The following NRXN3 variants were observed in gnomAD, a reference collection of about 807,000 sequenced individuals.
NRXN3 encodes neurexin 3, also known as neurexin III.
A neutral mutation model predicts 137.6 loss-of-function variants in NRXN3; 32 were observed. The ratio of observed to expected loss-of-function variants is 0.23; its 90% CI spans 0.18 to 0.31. NRXN3 has a LOEUF of 0.31. Ranked by LOEUF, NRXN3 falls within the 10% of genes least tolerant of loss-of-function variation. NRXN3 has a pLI of 1.00. For missense variants in NRXN3, 1,574 were observed against 2,062.5 expected, an observed-to-expected ratio of 0.76 and a Z score of 4.59; for synonymous variants, 798 against 784.5, an observed-to-expected ratio of 1.02 and a Z score of -0.29.
At chr14:78,172,739 G>A (rs775824658) in intron 1 of NRXN3, among the ~76,000 whole-genome samples, 1 of 152,104 alleles carries the variant, frequency 6.6e-6, no homozygotes, top group African/African-American at 2.4e-5. Flanking sequence ...CGGACTGTGC[G>A]AATGCCCTTT....
chr14:79,660,732 T>C (rs2098529196), intron 16 of NRXN3, among the ~76,000 whole-genome samples: 1 of 152,138 alleles, frequency 6.6e-6, no homozygotes. Context: ...ATTAGTGACT[T>C]AGGGGTGAAT....
At chr14:79,029,536 C>T (rs1444340802) in intron 15 of NRXN3, among the ~76,000 whole-genome samples, 1 of 152,052 alleles carries the variant, frequency 6.6e-6, no homozygotes, top group African/African-American at 2.4e-5. Flanking sequence ...AAGATTTCTT[C>T]CTTGTGATAA....
intron 16 of NRXN3, among the ~76,000 whole-genome samples, chr14:79,662,444 TAGAGA>T (rs1049918279): frequency 2.0e-5 from 3 of 152,134 alleles, no homozygotes; most frequent in African/African-American, 4.8e-5. Flanking sequence ...AACCAATTAT[TAGAGA>T]AGAGTCAGAG....
At chr14:78,996,230 A>G (rs2099529808) in intron 15 of NRXN3, among the ~76,000 whole-genome samples, 1 of 152,112 alleles carries the variant, frequency 6.6e-6, no homozygotes, top group Admixed American at 6.6e-5. Context: ...GTGTGCCCCA[A>G]TGTGCTGAAT....
chr14:78,707,783 A>G (rs1027653182), intron 6 of NRXN3, among the ~76,000 whole-genome samples: 27 of 152,186 alleles, frequency 1.8e-4, no homozygotes, highest in African/African-American at 2.4e-4. Flanking sequence ...TAGCTCCCAC[A>G]TATCAGTGAG....
chr14:78,210,603 A>G (rs1288440722), intron 1 of NRXN3, among the ~76,000 whole-genome samples: 1 of 151,918 alleles, frequency 6.6e-6, no homozygotes, highest in East Asian at 1.9e-4. Context: ...TGTGTAACAA[A>G]CACCGTAGTC....
chr14:78,335,591 A>G (rs1847506060), intron 4 of NRXN3, among the ~76,000 whole-genome samples: 2 of 152,232 alleles, frequency 1.3e-5, no homozygotes, highest in Non-Finnish European at 2.9e-5. Flanking sequence ...TGAGTAAAAT[A>G]AAGTAGACAC....
chr14:78,876,753 G>C (rs1032753417), intron 10 of NRXN3, among the ~76,000 whole-genome samples: 5 of 152,178 alleles, frequency 3.3e-5, no homozygotes, highest in African/African-American at 1.2e-4. Flanking sequence ...CATATGTACA[G>C]ATAGGTTCCT....
chr14:79,405,433 A>T (rs530586771), intron 15 of NRXN3, among the ~76,000 whole-genome samples: 2 of 152,074 alleles, frequency 1.3e-5, no homozygotes, highest in African/African-American at 4.8e-5. Flanking sequence ...ATTCTTCTCA[A>T]ACTCATTCTT....
intron 19 of NRXN3, among the ~76,000 whole-genome samples, chr14:79,740,895 T>C (rs1603458647): frequency 6.6e-6 from 1 of 151,036 alleles, no homozygotes; most frequent in East Asian, 2.0e-4. Context: ...AGCTTAAATG[T>C]CACCTCACAT....
chr14:79,069,892 T>G lies in NRXN3; in HGVS notation c.3262+81751T>G, dbSNP rs116781393. On this transcript the variant is annotated intron_variant, in intron 15 of 20. Coordinates refer to ENST00000335750, the MANE Select transcript of NRXN3 (RefSeq NM_001330195.2). ...CCTCTTCTGTACCTGTGTTTGGAGT[T>G]GCCATAGATGAAAGTCATATGATAA... Among the ~76,000 whole-genome samples the G allele has an allele frequency of 3.7e-3, 557 of 152,294 alleles. 3 individuals carry two copies. Among genetic ancestry groups the G allele is most frequent in the African/African-American group, 0.013 (543 of 41,566 alleles).
chr14:78,551,375 T>C (rs937922012), intron 4 of NRXN3, among the ~76,000 whole-genome samples: 9 of 152,196 alleles, frequency 5.9e-5, no homozygotes, highest in African/African-American at 2.2e-4. Flanking sequence ...GTCTTATTAC[T>C]GACTTCCAGA....
rs398043882 is a variant in NRXN3 at position 79,267,360 on chromosome 14, A to ATTTT, written c.3263-199848_3263-199845dup. On this transcript the variant is annotated intron_variant, in intron 15 of 20. Coordinates refer to ENST00000335750, the MANE Select transcript of NRXN3 (RefSeq NM_001330195.2). ...CAATGATAAAATGAGAGATCATTTA[A>ATTTT]TTTTTTTTTTTTTTTTGAGACAGAG... is the stretch of plus-strand genomic sequence containing the variant. 6.9e-3 allele frequency among the ~76,000 whole-genome samples: 991 copies of ATTTT among 143,016 alleles called. 12 individuals carry two copies. The highest frequency in any genetic ancestry group is 0.024 in the African/African-American group (929 of 38,900). The allele number at this position is 143,016 out of a possible 152,430, so 93.8% of individuals were successfully genotyped here. A position where few individuals can be genotyped will look rare whatever the true frequency, so the allele number is the denominator to read the frequency against.
intron 10 of NRXN3, among the ~76,000 whole-genome samples, chr14:78,892,103 C>T (rs1195367153): frequency 6.6e-6 from 1 of 151,898 alleles, no homozygotes; most frequent in African/African-American, 2.4e-5. Flanking sequence ...TGTGCCCCAC[C>T]ATACACCTGC....
At chr14:79,796,932 T>C (rs554810720) in intron 19 of NRXN3, among the ~76,000 whole-genome samples, 1 of 152,284 alleles carries the variant, frequency 6.6e-6, no homozygotes, top group African/African-American at 2.4e-5. Context: ...TAGCTAATGA[T>C]TTGGCAACTA....
intron 15 of NRXN3, among the ~76,000 whole-genome samples, chr14:79,385,693 T>G (rs2094594307): frequency 6.6e-6 from 1 of 152,164 alleles, no homozygotes; most frequent in Non-Finnish European, 1.5e-5. Context: ...TGTGGCCATT[T>G]ACCTATATAA....
At chr14:79,069,708 C>A (rs1210691035) in intron 15 of NRXN3, among the ~76,000 whole-genome samples, 2 of 151,950 alleles carry the variant, frequency 1.3e-5, no homozygotes, top group Non-Finnish European at 2.9e-5. Context: ...AAGATCTGGC[C>A]CTGGTGATTA....
chr14:78,382,099 ACT>A (rs1406449343), intron 4 of NRXN3, among the ~76,000 whole-genome samples: 2 of 151,956 alleles, frequency 1.3e-5, no homozygotes, highest in African/African-American at 2.4e-5. Context: ...ATCCTTTGGA[ACT>A]CTCTGTATTA....
intron 15 of NRXN3, among the ~76,000 whole-genome samples, chr14:79,048,184 T>TTTCATTTATATAGTATGAAC (rs1206967175): frequency 2.0e-5 from 3 of 152,356 alleles, no homozygotes; most frequent in African/African-American, 7.2e-5. Context: ...TACTATATAA[T>TTTCATTTATATAGTATGAAC]TTCATTTATA....
Sources: allele counts gnomAD v4.1 joint callset (sites outside exome capture counted in the v4.1 genomes callset), GRCh38; gene constraint gnomAD v4.1.1; transcripts MANE v1.5; gene names NCBI Gene and HGNC (gene_info 2026-07-23, HGNC 2026-07-21).